CELF5: variants seen among roughly 807,000 people sequenced by gnomAD.
CELF5 encodes the protein CUGBP Elav-like family member 5.
A neutral mutation model predicts 54.9 loss-of-function variants in CELF5; 6 were observed. The observed-to-expected ratio is 0.11, with a 90% CI of 0.06 to 0.22. The LOEUF (loss-of-function observed/expected upper bound fraction) is 0.22, where lower values mean the gene tolerates loss of function less well. Ranked by LOEUF, CELF5 falls within the 10% of genes least tolerant of loss-of-function variation. CELF5 has a pLI of 1.00. For synonymous variants in CELF5, 271 were observed against 290.9 expected, an observed-to-expected ratio of 0.93 and a Z score of 0.70; for missense variants, 401 against 678.6, an observed-to-expected ratio of 0.59 and a Z score of 4.54.
intron 1 of CELF5, among the ~76,000 whole-genome samples, chr19:3,249,182 G>C (rs907538576): frequency 1.3e-5 from 2 of 151,902 alleles, no homozygotes; most frequent in Non-Finnish European, 2.9e-5. Context: ...ATAGGGGGCG[G>C]GGTTTGAGGG....
chr19:3,229,624 C>T (rs1917150768), intron 1 of CELF5, among the ~76,000 whole-genome samples: 1 of 152,184 alleles, frequency 6.6e-6, no homozygotes, highest in Admixed American at 6.5e-5. Flanking sequence ...GTGGGTCTTC[C>T]CGTTTCAGAG....
chr19:3,274,653 C>G (rs1282574352), intron 3 of CELF5, among the ~76,000 whole-genome samples: 1 of 152,118 alleles, frequency 6.6e-6, no homozygotes, highest in Non-Finnish European at 1.5e-5. Context: ...TCCCATGGGA[C>G]CCAAATCTAG....
intron 1 of CELF5, among the ~76,000 whole-genome samples, chr19:3,226,131 C>T (rs970691172): frequency 2.6e-5 from 4 of 152,176 alleles, no homozygotes; most frequent in Admixed American, 6.5e-5. Flanking sequence ...ACCCCCGGCC[C>T]TCCCCCTCCC....
chr19:3,239,737 G>A (rs2079464881), intron 1 of CELF5, among the ~76,000 whole-genome samples: 1 of 145,380 alleles, frequency 6.9e-6, no homozygotes, highest in Non-Finnish European at 1.5e-5. Context: ...TCCTGTCTTT[G>A]TCCCCATGGC....
rs1277094353 is a variant in CELF5, at chr19:3,282,646, G to A, written c.1039+148G>A. 1.0e-5 allele frequency: 9 copies of A among 890,308 alleles called. No individual in the cohort carries two copies. Among genetic ancestry groups the A allele is most frequent in the Non-Finnish European group, 1.5e-5 (9 of 597,236 alleles). The allele number at this position is 890,308 out of a possible 1,614,324, so 55.2% of individuals were successfully genotyped here. On this transcript the variant is annotated intron_variant, in intron 8 of 12. Transcript: ENST00000292672. This position sits in a 1 kb window ranked among gnomAD's most constrained non-coding sequence, Gnocchi z 5.2. ...CTCCGCTGAGCAGATAAGAGCTGTG[G>A]ACACAGGAAGGGAGGCCGTGGCAGG...
rs1432369111 is a variant in CELF5 at position 3,228,625 on chromosome 19, G to T, written c.259+3627G>T. On this transcript the variant is annotated intron_variant, in intron 1 of 12. Coordinates refer to ENST00000292672, the MANE Select transcript of CELF5 (RefSeq NM_021938.4). This position sits in a 1 kb window ranked among gnomAD's most constrained non-coding sequence, Gnocchi z 6.0. ...GGGGGACGGTGCAGGTGGGGGGGGG[G>T]CCCGGCGGGGGCCCGGGTGGGGGCC... Among the ~76,000 whole-genome samples the T allele has an allele frequency of 6.6e-6, 1 of 150,726 alleles. No homozygotes were observed. Among genetic ancestry groups the T allele is most frequent in the African/African-American group, 2.4e-5 (1 of 41,152 alleles).
chr19:3,271,100 C>T (rs937805569), intron 2 of CELF5, among the ~76,000 whole-genome samples: 4 of 150,448 alleles, frequency 2.7e-5, no homozygotes, highest in Admixed American at 2.0e-4. Flanking sequence ...TGCCAGCTTC[C>T]GTGTGGTGAA....
intron 2 of CELF5, among the ~76,000 whole-genome samples, chr19:3,256,803 A>G (rs1599425560): frequency 6.6e-6 from 1 of 151,836 alleles, no homozygotes; most frequent in African/African-American, 2.4e-5. Context: ...CCTGACCTCA[A>G]GTGATCCACC....
chr19:3,294,947 C>G (rs1052352311), intron 12 of CELF5: 2 of 152,258 alleles, frequency 1.3e-5, no homozygotes, highest in Non-Finnish European at 2.9e-5. Flanking sequence ...CCCTGTGTTC[C>G]TAGATCCCAG....
rs149051991 is a variant in CELF5, at chr19:3,238,291, C to G, written c.260-12694C>G. ...GTTGCTCTGGTTCAAACGCTTCTGA[C>G]AGTACTTCCCTCTGATATCCCCCAA... On this transcript the variant is annotated intron_variant, in intron 1 of 12. Coordinates refer to ENST00000292672, the MANE Select transcript of CELF5 (RefSeq NM_021938.4). Among the ~76,000 whole-genome samples, 4 of 152,300 alleles carry G rather than the reference C, an allele frequency of 2.6e-5. No individual in the cohort carries two copies. The East Asian group carries it at 7.7e-4, about 29-fold the overall frequency.
At chr19:3,232,257 C>G (rs1917305120) in intron 1 of CELF5, among the ~76,000 whole-genome samples, 1 of 152,148 alleles carries the variant, frequency 6.6e-6, no homozygotes, top group Non-Finnish European at 1.5e-5. Flanking sequence ...AAAATTGGAA[C>G]TAATTTATAT....
At chr19:3,250,882 T>TCAATAA in intron 1 of CELF5, 103 bp from the exon 2 acceptor site, 1 of 614,998 alleles carries the variant, frequency 1.6e-6, no homozygotes, top group South Asian at 2.4e-5. Flanking sequence ...CATCTGTGGA[T>TCAATAA]GGAAGCTTGG....
At position 3,296,911 on chromosome 19, in the gene CELF5, C is replaced by A. The variant is rs2080463527; in HGVS notation, c.*194C>A. 7.0e-6 allele frequency: 1 copy of A among 143,042 alleles called. No homozygotes were observed. The highest frequency in any genetic ancestry group is 1.5e-5 in the Non-Finnish European group (1 of 66,298). The allele number at this position is 143,042 out of a possible 1,614,324, so 8.9% of individuals were successfully genotyped here. A position where few individuals can be genotyped will look rare whatever the true frequency, so the allele number is the denominator to read the frequency against. On this transcript the variant is annotated 3_prime_UTR_variant, in exon 13 of 13. Coordinates refer to ENST00000292672, the MANE Select transcript of CELF5 (RefSeq NM_021938.4). ...GGTTGACTCGGTTTGAGTTTTGTGT[C>A]AAAGAAGATTTCCCGCGGCTGAAGA...
Position 3,245,390 on chromosome 19 carries a change from G to C in CELF5, c.260-5595G>C, listed in dbSNP as rs572769970. Among the ~76,000 whole-genome samples the C allele has an allele frequency of 2.1e-4, 31 of 146,754 alleles. No homozygotes were observed. The East Asian group carries it at 5.9e-3, about 28-fold the overall frequency. On this transcript the variant is annotated intron_variant, in intron 1 of 12. Coordinates refer to ENST00000292672, the MANE Select transcript of CELF5 (RefSeq NM_021938.4). ...TGTGTGCGTGTGTGTGTATGCATCT[G>C]TGTGTGTGTGCGTGTGTGTGTGGTG...
At chr19:3,234,362 G>T (rs1917420623) in intron 1 of CELF5, among the ~76,000 whole-genome samples, 1 of 152,126 alleles carries the variant, frequency 6.6e-6, no homozygotes, top group Non-Finnish European at 1.5e-5. Context: ...GCCTCCCAAA[G>T]CATTGAGATC....
chr19:3,255,548 C>A (rs989331716), intron 2 of CELF5, among the ~76,000 whole-genome samples: 5 of 152,136 alleles, frequency 3.3e-5, no homozygotes, highest in Admixed American at 2.6e-4. Flanking sequence ...CTCTTCTCCT[C>A]CCTCCTCCTC....
chr19:3,264,169 T>A (rs1339665667), intron 2 of CELF5, among the ~76,000 whole-genome samples: 1 of 151,528 alleles, frequency 6.6e-6, no homozygotes, highest in African/African-American at 2.4e-5. Context: ...AGCTACTCAG[T>A]AGGCTGAGGC....
At chr19:3,234,849 A>C (rs1455483986) in intron 1 of CELF5, among the ~76,000 whole-genome samples, 1 of 151,682 alleles carries the variant, frequency 6.6e-6, no homozygotes, top group Non-Finnish European at 1.5e-5. Flanking sequence ...CCTCACCTGG[A>C]CCAGTGCAGT....
intron 1 of CELF5, among the ~76,000 whole-genome samples, chr19:3,233,592 G>A (rs79206612): frequency 0.08 from 12,225 of 152,214 alleles, 1,189 homozygotes; most frequent in East Asian, 0.45. Flanking sequence ...CAGGAAGAGT[G>A]CAGAGGCCCT....
Sources: gnomAD v4.1 joint callset for allele counts (sites outside exome capture counted in the v4.1 genomes callset) on GRCh38, gnomAD v4.1.1 for gene constraint, Gnocchi (gnomAD v3.1) non-coding constraint, MANE v1.5 for transcripts, NCBI Gene and HGNC (gene_info 2026-07-23, HGNC 2026-07-21) for gene names.